Variants in ABTB2 observed in about 807,000 individuals in gnomAD.
ABTB2 encodes the protein ankyrin repeat and BTB domain containing 2.
ABTB2 carries 56 observed loss-of-function variants against 104.1 expected under a neutral mutation model. The observed-to-expected ratio is 0.54, with a 90% confidence interval of 0.43 to 0.67. The LOEUF (loss-of-function observed/expected upper bound fraction) is 0.67. ABTB2 is among the 30% of genes least tolerant of loss of function. The pLI is 0.00. For missense variants in ABTB2, 1,279 were observed against 1,407.7 expected (o/e 0.91, Z 1.46); for synonymous variants, 606 against 608.2 (o/e 1.00, Z 0.05).
chr11:34,276,261 C>G (rs547623325), intron 1 of ABTB2, among the ~76,000 whole-genome samples: 294 of 151,860 alleles, frequency 1.9e-3, no homozygotes, highest in African/African-American at 6.5e-3. Context: ...ACTAATAAGT[C>G]CCAAGACCAC....
At chr11:34,221,840 A>G (rs1005386885) in intron 1 of ABTB2, among the ~76,000 whole-genome samples, 1 of 152,158 alleles carries the variant, frequency 6.6e-6, no homozygotes, top group Non-Finnish European at 1.5e-5. Context: ...GGAGTTCCAG[A>G]CCAGCCTGGT....
intron 1 of ABTB2, among the ~76,000 whole-genome samples, chr11:34,337,428 T>C (rs1401859936): frequency 2.0e-5 from 3 of 152,220 alleles, no homozygotes; most frequent in East Asian, 3.8e-4. Context: ...TGAGGAAAGA[T>C]GGCACAAGCA....
chr11:34,356,919 C>G lies in ABTB2; in HGVS notation c.665G>C (p.Arg222Pro). ...RWMVDTRISVRIHEYAAISLT... is the reference protein window; with the variant it reads ...RWMVDTRISVPIHEYAAISLT... Reference sequence around the variant, plus strand: ...GGAGATGGCTGCGTACTCGTGGATGCGCACGGAGATTCGGGTGTCCACCAT... The same window carrying G: ...GGAGATGGCTGCGTACTCGTGGATGGGCACGGAGATTCGGGTGTCCACCAT... Residue 222 changes from arginine to proline, a missense_variant, in exon 1 of 17, where the codon CGC becomes CCC. By Grantham distance (103) the Arg-to-Pro change is moderately radical (BLOSUM62 -2). Transcript: ENST00000435224. This position sits in a 1 kb window ranked among gnomAD's most constrained non-coding sequence, Gnocchi z 4.6. The G allele has an allele frequency of 6.2e-7, 1 of 1,602,036 alleles. No homozygotes were observed. The highest frequency in any genetic ancestry group is 8.5e-7 in the Non-Finnish European group (1 of 1,174,386).
At chr11:34,180,588 A>G (rs759656514) in intron 3 of ABTB2, among the ~76,000 whole-genome samples, 1 of 152,258 alleles carries the variant, frequency 6.6e-6, no homozygotes, top group Non-Finnish European at 1.5e-5. Flanking sequence ...AGCACATGAA[A>G]TAGACCAATG....
rs138626070 is a variant in ABTB2, at chr11:34,197,108, C to A, written c.1244+217G>T. On this transcript the variant is annotated intron_variant, in intron 3 of 16. Coordinates refer to ENST00000435224, the MANE Select transcript of ABTB2 (RefSeq NM_145804.3). ...AGCACACGTTCTGAGCCTCAGTGGC[C>A]CCATGCTGCATCAGCTCAGAGGAAA... 6.3e-3 allele frequency among the ~76,000 whole-genome samples: 953 copies of A among 151,680 alleles called. 15 individuals carry two copies. The highest frequency in any genetic ancestry group is 0.022 in the African/African-American group (910 of 41,240).
chr11:34,333,370 T>C (rs1006156339), intron 1 of ABTB2, among the ~76,000 whole-genome samples: 3 of 152,150 alleles, frequency 2.0e-5, no homozygotes, highest in Admixed American at 2.0e-4. Context: ...CTCTGGTCTT[T>C]ATGCATCCCA....
At chr11:34,314,467 T>G (rs147538632) in intron 1 of ABTB2, among the ~76,000 whole-genome samples, 4 of 152,360 alleles carry the variant, frequency 2.6e-5, no homozygotes, top group Non-Finnish European at 5.9e-5. Flanking sequence ...AAGGAATGAC[T>G]AGAAAAGTCA....
At chr11:34,223,114 G>A (rs1853645041) in intron 1 of ABTB2, among the ~76,000 whole-genome samples, 1 of 152,174 alleles carries the variant, frequency 6.6e-6, no homozygotes, top group Non-Finnish European at 1.5e-5. Context: ...AGCTCCCTGT[G>A]GGGCTATAAA....
At chr11:34,208,934 C>G (rs1474423810) in intron 1 of ABTB2, among the ~76,000 whole-genome samples, 8 of 152,202 alleles carry the variant, frequency 5.3e-5, no homozygotes, top group Non-Finnish European at 1.2e-4. Flanking sequence ...TGCCTCCAGG[C>G]TTACCCCCTT....
intron 1 of ABTB2, among the ~76,000 whole-genome samples, chr11:34,288,922 C>T (rs773860892): frequency 6.6e-6 from 1 of 152,200 alleles, no homozygotes; most frequent in Non-Finnish European, 1.5e-5. Flanking sequence ...TAATCACATA[C>T]TCCCAATCCC....
intron 1 of ABTB2, among the ~76,000 whole-genome samples, chr11:34,331,071 A>G (rs1233200554): frequency 6.6e-6 from 1 of 152,170 alleles, no homozygotes; most frequent in East Asian, 1.9e-4. Flanking sequence ...AGCACATCCC[A>G]TAAAACGAGG....
At chr11:34,330,234 G>A (rs563404009) in intron 1 of ABTB2, among the ~76,000 whole-genome samples, 59 of 152,296 alleles carry the variant, frequency 3.9e-4, no homozygotes, top group African/African-American at 1.4e-3. Context: ...GAGAATAGGA[G>A]CCAGTACTGC....
Position 34,160,899 on chromosome 11 carries a change from T to A in ABTB2, c.2397+4A>T. ...CTTGGGAACTGGCCACTGGCCACAC[T>A]TACTTTGCTGGTCTTGAGGATGTCG... On this transcript the variant is annotated splice_donor_region_variant and intron_variant, in intron 11 of 16. Transcript: ENST00000435224. 1 of 1,598,686 alleles carries A rather than the reference T, an allele frequency of 6.3e-7. No individual in the cohort carries two copies. The highest frequency in any genetic ancestry group is 8.5e-7 in the Non-Finnish European group (1 of 1,170,930).
chr11:34,222,736 G>A (rs760721430), intron 1 of ABTB2, among the ~76,000 whole-genome samples: 4 of 152,214 alleles, frequency 2.6e-5, no homozygotes, highest in Non-Finnish European at 5.9e-5. Flanking sequence ...TGGAGACCTC[G>A]GTGCACTGAC....
intron 1 of ABTB2, among the ~76,000 whole-genome samples, chr11:34,342,918 T>A (rs1590263944): frequency 7.6e-6 from 1 of 131,510 alleles, no homozygotes; most frequent in African/African-American, 3.2e-5. Flanking sequence ...TCACTCCCAT[T>A]TCATTTATTT....
intron 1 of ABTB2, among the ~76,000 whole-genome samples, chr11:34,350,798 C>T (rs909187992): frequency 4.6e-5 from 7 of 152,160 alleles, no homozygotes; most frequent in African/African-American, 1.7e-4. Context: ...GTATTTGCTA[C>T]CTTGGATTCT....
At chr11:34,231,778 C>T (rs777332387) in intron 1 of ABTB2, among the ~76,000 whole-genome samples, 11 of 152,042 alleles carry the variant, frequency 7.2e-5, no homozygotes, top group East Asian at 1.9e-4. Context: ...GCCCCGCACC[C>T]GGCCGATAGT....
chr11:34,343,466 C>T (rs968705541), intron 1 of ABTB2, among the ~76,000 whole-genome samples: 17 of 151,996 alleles, frequency 1.1e-4, no homozygotes, highest in African/African-American at 3.4e-4. Flanking sequence ...CAGACACACA[C>T]ACACATACAC....
intron 1 of ABTB2, among the ~76,000 whole-genome samples, chr11:34,253,691 A>AT (rs1359688803): frequency 6.1e-4 from 72 of 117,802 alleles, no homozygotes; most frequent in African/African-American, 1.5e-3. Flanking sequence ...AAAAAAAAAA[A>AT]TTTTTTTTTC....
Sources: gnomAD v4.1 joint callset for allele counts (sites outside exome capture counted in the v4.1 genomes callset) on GRCh38, gnomAD v4.1.1 for gene constraint, Gnocchi (gnomAD v3.1) non-coding constraint, MANE v1.5 for transcripts, NCBI Gene and HGNC (gene_info 2026-07-23, HGNC 2026-07-21) for gene names.